DDIAS: variants seen among roughly 807,000 people sequenced by gnomAD.
DDIAS encodes DNA damage-induced apoptosis suppressor protein.
A neutral mutation model predicts 15.7 loss-of-function variants in DDIAS; 14 were observed. The ratio of observed to expected loss-of-function variants is 0.89; its 90% CI spans 0.59 to 1.39. The LOEUF is 1.39. Ranked by LOEUF, DDIAS falls within the 40% of genes most tolerant of loss-of-function variation. The pLI is 0.00. For missense variants in DDIAS, 1,035 were observed against 1,130.9 expected (o/e 0.92, Z 1.22); for synonymous variants, 355 against 395.9 (o/e 0.90, Z 1.23).
chr11:82,916,966 C>T (rs778460709), intron 3 of DDIAS, among the ~76,000 whole-genome samples: 3 of 152,134 alleles, frequency 2.0e-5, no homozygotes, highest in Non-Finnish European at 2.9e-5. Context: ...GACATCTTCC[C>T]CTCTCTTTCT....
intron 3 of DDIAS, among the ~76,000 whole-genome samples, chr11:82,917,781 C>CT (rs1362216139): frequency 6.6e-6 from 1 of 152,194 alleles, no homozygotes; most frequent in Non-Finnish European, 1.5e-5. Context: ...GAAGTGTTCT[C>CT]TGATTGCTGC....
At position 82,932,494 on chromosome 11, in the gene DDIAS, A is replaced by C. The variant is rs1407018484; in HGVS notation, c.1156A>C (p.Lys386Gln). The C allele has an allele frequency of 2.5e-6, 4 of 1,614,078 alleles. No homozygotes were observed. The African/African-American group carries it at 5.3e-5, about 22-fold the overall frequency. The change falls in exon 6 of 6, where the codon AAG becomes CAG. Residue 386 changes from lysine (K) to glutamine (Q), a missense_variant. By Grantham distance (53) the Lys-to-Gln change is moderately conservative (BLOSUM62 1). Transcript: ENST00000533655. ...TATAGATACCCCAACTAGCCTTCAG[A>C]AGAGATCTGCATGTTGTCCACCTTC... ...HGIDTPTSLQ[K>Q]RSACCPPSLL... is the part of the protein sequence containing the mutation.
intron 1 of DDIAS, among the ~76,000 whole-genome samples, chr11:82,908,441 C>T (rs1860470711): frequency 1.3e-5 from 2 of 152,282 alleles, no homozygotes; most frequent in South Asian, 4.1e-4. Context: ...TTTAGCTCCC[C>T]TAACTCACAG....
At chr11:82,921,322 T>C (rs1344179325) in intron 3 of DDIAS, among the ~76,000 whole-genome samples, 3 of 152,230 alleles carry the variant, frequency 2.0e-5, no homozygotes, top group Non-Finnish European at 4.4e-5. Context: ...TCCATTCTGC[T>C]ATTCTGTATC....
chr11:82,922,763 G>A (rs1467796686), intron 3 of DDIAS: 2 of 152,146 alleles, frequency 1.3e-5, no homozygotes, highest in African/African-American at 4.8e-5. Context: ...AAAGAGCCTT[G>A]TTTTGTCATA....
rs904714097 is a variant in DDIAS, at chr11:82,913,333, C to T, written c.-70C>T. 3.1e-5 allele frequency: 5 copies of T among 161,292 alleles called. No individual in the cohort carries two copies. Among genetic ancestry groups the T allele is most frequent in the African/African-American group, 1.2e-4 (5 of 41,470 alleles). The allele number at this position is 161,292 out of a possible 1,614,324, so 10.0% of individuals were successfully genotyped here. On this transcript the variant is annotated 5_prime_UTR_variant, in exon 2 of 6. Coordinates refer to ENST00000533655, the MANE Select transcript of DDIAS (RefSeq NM_145018.4). ...CTGGAGTGCCATGGCATCATCATAG[C>T]TCACTATGGCCTTGATCCTCCTGCC...
At chr11:82,923,997 T>A (rs889693240) in intron 3 of DDIAS, among the ~76,000 whole-genome samples, 2 of 152,210 alleles carry the variant, frequency 1.3e-5, no homozygotes, top group Non-Finnish European at 2.9e-5. Context: ...CCATAATTCC[T>A]TTTAGCCTAG....
At chr11:82,907,730 G>T (rs972042700) in intron 1 of DDIAS, among the ~76,000 whole-genome samples, 1 of 152,176 alleles carries the variant, frequency 6.6e-6, no homozygotes, top group Non-Finnish European at 1.5e-5. Context: ...TTGTAGAGAT[G>T]AGTTCTTGCT....
chr11:82,921,372 G>A (rs1308964091), intron 3 of DDIAS, among the ~76,000 whole-genome samples: 1 of 152,040 alleles, frequency 6.6e-6, no homozygotes, highest in Non-Finnish European at 1.5e-5. Context: ...TTCGATGTTA[G>A]TATTGAGATT....
chr11:82,928,981 AT>A, intron 4 of DDIAS, 43 bp downstream of exon 4: 1 of 1,573,008 alleles, frequency 6.4e-7, no homozygotes, highest in Non-Finnish European at 8.6e-7. Context: ...TGCCCTTAGA[AT>A]TTGAAGATAC....
At chr11:82,910,779 CT>C (rs977879241) in intron 1 of DDIAS, among the ~76,000 whole-genome samples, 13 of 151,912 alleles carry the variant, frequency 8.6e-5, no homozygotes, top group African/African-American at 2.7e-4. Context: ...CCACGCCTGA[CT>C]AATTTTTTTT....
intron 3 of DDIAS, 128 bp downstream of exon 3, chr11:82,914,979 G>A: frequency 1.7e-6 from 1 of 598,552 alleles, no homozygotes. Context: ...TGGTTCTTCT[G>A]TAAATCCCAG....
Position 82,932,730 on chromosome 11 carries a change from TC to T in DDIAS, c.1396del (p.Gln466ArgfsTer12). 6.2e-7 allele frequency: 1 copy of T among 1,614,032 alleles called. No individual in the cohort carries two copies. The highest frequency in any genetic ancestry group is 8.5e-7 in the Non-Finnish European group (1 of 1,180,026). On this transcript the variant is annotated frameshift_variant, in exon 6 of 6. Transcript: ENST00000533655. LOFTEE classifies it low-confidence loss of function (END_TRUNC). ...CAGACCACAGCAGGTTATCTGTGAC[TC>T]CCCAGAGAACTACTGGAGCCCTGCA... ...HADHSRLSVT[P>X]QRTTGALHTP...
At chr11:82,930,102 C>A in intron 4 of DDIAS, 55 bp from the exon 5 acceptor site, 1 of 1,003,036 alleles carries the variant, frequency 1.0e-6, no homozygotes, top group South Asian at 1.5e-5. Flanking sequence ...GACTTTATGG[C>A]AAGTAAAATT....
intron 3 of DDIAS, among the ~76,000 whole-genome samples, chr11:82,924,388 G>GT (rs1219666199): frequency 6.6e-6 from 1 of 152,146 alleles, no homozygotes. Flanking sequence ...GTTCATATCT[G>GT]TTTTTTGTGG....
chr11:82,914,680 T>A (rs1240787078), intron 2 of DDIAS, 43 bp from the exon 3 acceptor site: 1 of 988,004 alleles, frequency 1.0e-6, no homozygotes, highest in Non-Finnish European at 1.6e-6. Context: ...TGCACTGCAA[T>A]GAAAGATTTG....
intron 1 of DDIAS, among the ~76,000 whole-genome samples, chr11:82,906,848 G>C (rs544737207): frequency 6.6e-6 from 1 of 152,166 alleles, no homozygotes; most frequent in African/African-American, 2.4e-5. Context: ...TGGTAAAATT[G>C]TGTTTTATAT....
At chr11:82,921,571 CTT>C (rs968751055) in intron 3 of DDIAS, among the ~76,000 whole-genome samples, 192 of 78,090 alleles carry the variant, frequency 2.5e-3, no homozygotes, top group Middle Eastern at 0.014. Context: ...TTCTTTCTTT[CTT>C]TTTTTTTTTT....
rs138170212 is a variant in DDIAS, at chr11:82,933,356, A to G, written c.2018A>G (p.Tyr673Cys). Residue 673 changes from tyrosine (Y) to cysteine (C), a missense_variant, in exon 6 of 6, where the codon TAT becomes TGT. Coordinates refer to ENST00000533655, the MANE Select transcript of DDIAS (RefSeq NM_145018.4). ...TATTCTATTGGTTATGAAGGTAGCT[A>G]TGATGCCTCTGCTGATCTCTTTGAT... ...QSYSIGYEGS[Y>C]DASADLFDDI... 93 of 1,614,090 alleles carry G rather than the reference A, an allele frequency of 5.8e-5. No homozygotes were observed. Among genetic ancestry groups the G allele is most frequent in the Middle Eastern group, 3.3e-4 (2 of 6,060 alleles).
Sources: allele counts gnomAD v4.1 joint callset (sites outside exome capture counted in the v4.1 genomes callset), GRCh38; gene constraint gnomAD v4.1.1; transcripts MANE v1.5; gene names NCBI Gene and HGNC (gene_info 2026-07-23, HGNC 2026-07-21).